MARCHF1: variants seen among roughly 807,000 people sequenced by gnomAD.
MARCHF1 encodes the protein membrane associated ring-CH-type finger 1, also known as E3 ubiquitin-protein ligase MARCHF1.
MARCHF1 carries 40 observed loss-of-function variants against 54.2 expected under a neutral mutation model. The ratio of observed to expected loss-of-function variants is 0.74; its 90% confidence interval spans 0.57 to 0.96. MARCHF1 has a LOEUF of 0.96. Ranked by LOEUF, MARCHF1 falls within the 40% of genes least tolerant of loss-of-function variation. The pLI is 0.00. For missense variants in MARCHF1, 586 were observed against 656.5 expected (o/e 0.89, Z 1.17); for synonymous variants, 236 against 236.3 (o/e 1.00, Z 0.01).
At chr4:163,642,282 CT>C (rs946072484) in intron 5 of MARCHF1, among the ~76,000 whole-genome samples, 21 of 151,834 alleles carry the variant, frequency 1.4e-4, no homozygotes, top group South Asian at 2.1e-4. Flanking sequence ...CTTATACATT[CT>C]TTTTTTTCTT....
intron 1 of MARCHF1, among the ~76,000 whole-genome samples, chr4:164,357,777 T>C (rs1209552598): frequency 6.6e-6 from 1 of 152,196 alleles, no homozygotes; most frequent in Admixed American, 6.6e-5. Flanking sequence ...CTAAAACAGC[T>C]TCTTTCTGTC....
intron 3 of MARCHF1, among the ~76,000 whole-genome samples, chr4:163,885,825 A>G (rs1427922526): frequency 6.6e-6 from 1 of 151,642 alleles, no homozygotes; most frequent in East Asian, 1.9e-4. Context: ...TAATCCCAGC[A>G]CTTTGGGAGG....
intron 2 of MARCHF1, among the ~76,000 whole-genome samples, chr4:164,028,808 G>A (rs1753821124): frequency 6.6e-6 from 1 of 152,174 alleles, no homozygotes; most frequent in Non-Finnish European, 1.5e-5. Flanking sequence ...ATGCGATAGT[G>A]ATCATCTCAC....
intron 3 of MARCHF1, among the ~76,000 whole-genome samples, chr4:163,965,604 T>G (rs980313720): frequency 1.3e-5 from 2 of 152,074 alleles, no homozygotes; most frequent in Admixed American, 6.6e-5. Context: ...CTGTCTTGTC[T>G]CTAGTACTAC....
intron 1 of MARCHF1, among the ~76,000 whole-genome samples, chr4:164,239,204 A>T (rs1732655389): frequency 6.6e-6 from 1 of 152,058 alleles, no homozygotes; most frequent in South Asian, 2.1e-4. Flanking sequence ...TCCCATTTAA[A>T]TTGTGTATCA....
chr4:164,243,973 T>A (rs1732858753), intron 1 of MARCHF1, among the ~76,000 whole-genome samples: 1 of 152,098 alleles, frequency 6.6e-6, no homozygotes, highest in Non-Finnish European at 1.5e-5. Context: ...CTGAGTGACC[T>A]ACAAAGAGAC....
chr4:163,589,756 A>G (rs747144473), intron 7 of MARCHF1, among the ~76,000 whole-genome samples: 8 of 152,098 alleles, frequency 5.3e-5, no homozygotes, highest in Non-Finnish European at 7.4e-5. Flanking sequence ...TTGCATGGCA[A>G]AATATTCGTA....
intron 1 of MARCHF1, among the ~76,000 whole-genome samples, chr4:164,256,847 T>C (rs1233485600): frequency 1.3e-5 from 2 of 152,298 alleles, no homozygotes; most frequent in East Asian, 3.9e-4. Flanking sequence ...GGTGTGTATT[T>C]GGTCATTTTT....
intron 3 of MARCHF1, among the ~76,000 whole-genome samples, chr4:163,901,374 T>G (rs187177162): frequency 6.6e-6 from 1 of 152,232 alleles, no homozygotes; most frequent in South Asian, 2.1e-4. Context: ...AGTAACCTAA[T>G]GGCAAACTTT....
intron 5 of MARCHF1, among the ~76,000 whole-genome samples, chr4:163,650,204 A>C (rs1225436525): frequency 2.0e-5 from 3 of 152,004 alleles, no homozygotes; most frequent in Non-Finnish European, 2.9e-5. Flanking sequence ...TCTATAACTA[A>C]ACATAAGCAT....
intron 4 of MARCHF1, among the ~76,000 whole-genome samples, chr4:163,786,159 G>C (rs531408608): frequency 1.4e-4 from 21 of 152,090 alleles, no homozygotes; most frequent in Admixed American, 1.3e-3. Context: ...AGAAATGTAA[G>C]ATAATAAACT....
At chr4:164,021,697 A>T (rs1231004501) in intron 2 of MARCHF1, among the ~76,000 whole-genome samples, 1 of 152,000 alleles carries the variant, frequency 6.6e-6, no homozygotes, top group East Asian at 1.9e-4. Context: ...TCTACTAAAA[A>T]TACAAAAAAT....
At chr4:164,173,913 G>A (rs1162923521) in intron 1 of MARCHF1, among the ~76,000 whole-genome samples, 2 of 152,076 alleles carry the variant, frequency 1.3e-5, no homozygotes, top group Non-Finnish European at 2.9e-5. Context: ...TTTCCTTTCC[G>A]ATTCTTAAAA....
intron 1 of MARCHF1, among the ~76,000 whole-genome samples, chr4:164,317,439 T>C (rs921721917): frequency 3.3e-5 from 5 of 152,158 alleles, no homozygotes; most frequent in Admixed American, 2.0e-4. Context: ...TGGAGGACAA[T>C]TGCTTTCTTC....
chr4:163,874,460 G>A (rs1158693282), intron 3 of MARCHF1, among the ~76,000 whole-genome samples: 1 of 152,028 alleles, frequency 6.6e-6, no homozygotes, highest in Non-Finnish European at 1.5e-5. Context: ...TATTAGTGGG[G>A]AACAAAGTTA....
rs201269336 is a variant in MARCHF1 at position 164,176,991 on chromosome 4, TATATATATATATATATATAC to T, written c.-322-65349_-322-65330del. Among the ~76,000 whole-genome samples the T allele has an allele frequency of 7.7e-3, 649 of 84,050 alleles. 20 individuals are homozygous for T. Among genetic ancestry groups the T allele is most frequent in the African/African-American group, 0.021 (341 of 16,420 alleles). 55.1% of individuals were successfully genotyped at this position (84,050 alleles called of 152,430 possible). On this transcript the variant is annotated intron_variant, in intron 1 of 9. Coordinates refer to ENST00000514618, the MANE Select transcript of MARCHF1 (RefSeq NM_001394959.1). ...CTCTCTCTCTCTCTCTATATATATA[TATATATATATATATATATAC>T]AAATGATAGAATTAGGCATGTTTCC...
chr4:164,230,048 G>A (rs1316316732), intron 1 of MARCHF1, among the ~76,000 whole-genome samples: 1 of 152,010 alleles, frequency 6.6e-6, no homozygotes, highest in Non-Finnish European at 1.5e-5. Context: ...GGAGTAGCTG[G>A]GACTACAGGT....
chr4:163,756,141 T>C (rs1327516393), intron 4 of MARCHF1, among the ~76,000 whole-genome samples: 1 of 152,208 alleles, frequency 6.6e-6, no homozygotes, highest in South Asian at 2.1e-4. Flanking sequence ...TACTTTCACA[T>C]ACAGTTTCTG....
At chr4:163,734,175 T>C (rs1745962830) in intron 4 of MARCHF1, among the ~76,000 whole-genome samples, 1 of 152,154 alleles carries the variant, frequency 6.6e-6, no homozygotes, top group Non-Finnish European at 1.5e-5. Flanking sequence ...ACTTGACCAT[T>C]ACAAGTGTTG....
Sources: gnomAD v4.1 joint callset for allele counts (sites outside exome capture counted in the v4.1 genomes callset) on GRCh38, gnomAD v4.1.1 for gene constraint, MANE v1.5 for transcripts, NCBI Gene and HGNC (gene_info 2026-07-23, HGNC 2026-07-21) for gene names.